Variants in NLRP12 observed in about 807,000 individuals in gnomAD.
The protein encoded by NLRP12 is NACHT, LRR and PYD domains-containing protein 12.
NLRP12 carries 108 observed loss-of-function variants against 91.2 expected under a neutral mutation model. That is an observed-to-expected ratio of 1.18 (90% CI 1.01 to 1.39). The LOEUF is 1.39. Among genes scored for constraint, NLRP12 ranks in the 40% most tolerant of loss-of-function variants. The pLI is 0.00. For synonymous variants in NLRP12, 613 were observed against 566.7 expected (o/e 1.08, Z -1.16); for missense variants, 1,530 against 1,352.7 (o/e 1.13, Z -2.06).
intron 1 of NLRP12, among the ~76,000 whole-genome samples, chr19:53,820,685 T>C (rs1286063272): frequency 8.4e-6 from 1 of 119,396 alleles, no homozygotes; most frequent in Non-Finnish European, 1.8e-5. Context: ...CTCTAAAAAA[T>C]AAATTATTTT....
Position 53,795,960 on chromosome 19 carries a change from G to C in NLRP12, c.2997C>G (p.Thr999=), listed in dbSNP as rs749656368. 55 of 1,614,028 alleles carry C rather than the reference G, an allele frequency of 3.4e-5. No individual in the cohort carries two copies. The South Asian group carries it at 5.4e-4, about 16-fold the overall frequency. Residue 999 remains threonine, a synonymous_variant, in exon 9 of 10, where the codon ACC becomes ACG. Coordinates refer to ENST00000324134, the MANE Select transcript of NLRP12 (RefSeq NM_144687.4). The part of the protein sequence containing the change: ...NLYFTLGINQ[T]LTDLYLTNNA... ...TGTTGGTCAGGTAAAGGTCGGTCAA[G>C]GTCTGGTTGATCCCCAGGGTGAAGT...
At chr19:53,817,155 A>G (rs937050508) in intron 1 of NLRP12, among the ~76,000 whole-genome samples, 2 of 151,976 alleles carry the variant, frequency 1.3e-5, no homozygotes, top group East Asian at 2.0e-4. Flanking sequence ...TTAGCTGGGC[A>G]TGGTGGCAGG....
At chr19:53,799,501 T>A (rs1011441596) in intron 7 of NLRP12, among the ~76,000 whole-genome samples, 1 of 151,740 alleles carries the variant, frequency 6.6e-6, no homozygotes, top group Admixed American at 6.6e-5. Context: ...TTTTTTTTTT[T>A]GAGATGGAAT....
Position 53,801,357 on chromosome 19 carries a change from G to A in NLRP12, c.2626C>T (p.Leu876=). 1 of 1,613,920 alleles carries A rather than the reference G, an allele frequency of 6.2e-7. No individual in the cohort carries two copies. The highest frequency in any genetic ancestry group is 8.5e-7 in the Non-Finnish European group (1 of 1,179,992). Reference sequence around the variant, plus strand: ...TGGTTCACACTGAGAGTTGAGGCCAGCTCGTCACAGGCAGCAGCAGTGAGG... The same window carrying A: ...TGGTTCACACTGAGAGTTGAGGCCAACTCGTCACAGGCAGCAGCAGTGAGG... ...CRLTAAACDE[L]ASTLSVNQSL... is the part of the protein sequence containing the mutation. The change falls in exon 7 of 10, where the codon CTG becomes TTG. Residue 876 remains leucine, a synonymous_variant. Coordinates refer to ENST00000324134, the MANE Select transcript of NLRP12 (RefSeq NM_144687.4).
chr19:53,795,104 G>GA (rs2091728041), intron 9 of NLRP12, among the ~76,000 whole-genome samples: 2 of 57,664 alleles, frequency 3.5e-5, no homozygotes, highest in Admixed American at 2.9e-4. Context: ...TACCTGGTGT[G>GA]TGCGTGTGTG....
rs1240275274 is a variant in NLRP12, at chr19:53,800,589, T to C, written c.2756+638A>G. Among the ~76,000 whole-genome samples, 18 of 44,712 alleles carry C rather than the reference T, an allele frequency of 4.0e-4. No homozygotes were observed. The South Asian group carries it at 9.2e-3, about 23-fold the overall frequency. The allele number at this position is 44,712 out of a possible 152,430, so 29.3% of individuals were successfully genotyped here. ...GCCGTGCGTCAGAAAACCCCCCCCT[T>C]TTTTTTTTTTGAGACGGAGTTTCGC... is the stretch of plus-strand genomic sequence containing the variant. On this transcript the variant is annotated intron_variant, in intron 7 of 9. Transcript: ENST00000324134.
chr19:53,810,811 A>T lies in NLRP12; in HGVS notation c.848T>A (p.Ile283Asn). 2 of 1,614,114 alleles carry T rather than the reference A, an allele frequency of 1.2e-6. No individual in the cohort carries two copies. Among genetic ancestry groups the T allele is most frequent in the Admixed American group, 1.7e-5 (1 of 59,992 alleles). Residue 283 changes from isoleucine to asparagine, a missense_variant, in exon 3 of 10, where the codon ATC becomes AAC. Coordinates refer to ENST00000324134, the MANE Select transcript of NLRP12 (RefSeq NM_144687.4). Reference sequence around the variant, plus strand: ...GAAAAGGAGGCGCTCGGGAACTCGGATGAGCTCCTGGAGAGGCGCGCTGGG... The same window carrying T: ...GAAAAGGAGGCGCTCGGGAACTCGGTTGAGCTCCTGGAGAGGCGCGCTGGG... ...PEPSAPLQELIRVPERLLFII... is the reference protein window; with the variant it reads ...PEPSAPLQELNRVPERLLFII...
chr19:53,805,189 G>T, intron 5 of NLRP12, 91 bp downstream of exon 5: 1 of 1,357,290 alleles, frequency 7.4e-7, no homozygotes, highest in Non-Finnish European at 1.0e-6. Flanking sequence ...TGATTTAAAG[G>T]TGGAGATTTG....
At chr19:53,805,202 G>T in intron 5 of NLRP12, 78 bp downstream of exon 5, 3 of 1,445,676 alleles carry the variant, frequency 2.1e-6, no homozygotes, top group Middle Eastern at 2.3e-4. Context: ...GAGATTTGGG[G>T]ATTACCAGCA....
chr19:53,818,409 T>G (rs909990790), intron 1 of NLRP12, among the ~76,000 whole-genome samples: 19 of 152,180 alleles, frequency 1.2e-4, no homozygotes, highest in Non-Finnish European at 1.2e-4. Context: ...GGCTCACGCC[T>G]GTAATCCCAA....
rs764835509 is a variant in NLRP12, at chr19:53,824,015, G to C, written c.160C>G (p.Leu54Val). 4.8e-5 allele frequency: 78 copies of C among 1,614,058 alleles called. No homozygotes were observed. The highest frequency in any genetic ancestry group is 6.4e-5 in the Non-Finnish European group (75 of 1,180,044). The change falls in exon 1 of 10, where the codon CTG becomes GTG. Residue 54 changes from leucine (L) to valine (V), a missense_variant. By Grantham distance (32) the Leu-to-Val change is conservative. Transcript: ENST00000324134. Reference protein sequence around the residue: ...PWGSMEKAGPLEMAQLLITHF... With the variant: ...PWGSMEKAGPVEMAQLLITHF... ...GTGATGAGCAGCTGGGCCATTTCCAGGGGACCGGCCTTCTCCATGCTTCCC... is the reference window on the plus strand; with the variant it reads ...GTGATGAGCAGCTGGGCCATTTCCACGGGACCGGCCTTCTCCATGCTTCCC...
Position 53,801,381 on chromosome 19 carries a change from G to A in NLRP12, c.2602C>T (p.Leu868Phe), listed in dbSNP as rs1600683649. 6.2e-7 allele frequency: 1 copy of A among 1,613,966 alleles called. No individual in the cohort carries two copies. Among genetic ancestry groups the A allele is most frequent in the Non-Finnish European group, 8.5e-7 (1 of 1,179,994 alleles). The change falls in exon 7 of 10, where the codon CTC (leucine) becomes TTC (phenylalanine). Residue 868 changes from leucine (L) to phenylalanine (F), a missense_variant. Transcript: ENST00000324134. ...LRTLWLKICR[L>F]TAAACDELAS... Reference sequence around the variant, plus strand: ...AGCTCGTCACAGGCAGCAGCAGTGAGGCGGCAGATCTTCAGCCTGCACAAA... The same window carrying A: ...AGCTCGTCACAGGCAGCAGCAGTGAAGCGGCAGATCTTCAGCCTGCACAAA...
At position 53,804,027 on chromosome 19, in the gene NLRP12, T is replaced by G; in HGVS notation, c.2510A>C (p.Asn837Thr). 1 of 1,614,126 alleles carries G rather than the reference T, an allele frequency of 6.2e-7. No homozygotes were observed. Among genetic ancestry groups the G allele is most frequent in the Non-Finnish European group, 8.5e-7 (1 of 1,180,028 alleles). ...PHLVELDLTG[N>T]ALEDLGLRLL... ...CCTCAGGCCCAAATCCTCCAGTGCA[T>G]TTCCTGTCAGGTCCAACTCAACCAG... Residue 837 changes from asparagine (N) to threonine (T), a missense_variant, in exon 6 of 10, where the codon AAT (asparagine) becomes ACT (threonine). Asn to Thr is a moderately conservative substitution (Grantham distance 65). Coordinates refer to ENST00000324134, the MANE Select transcript of NLRP12 (RefSeq NM_144687.4).
chr19:53,807,995 C>T (rs552332516), intron 3 of NLRP12: 144 of 366,270 alleles, frequency 3.9e-4, no homozygotes, highest in African/African-American at 3.0e-3. Flanking sequence ...GGTGATCTGC[C>T]CGCCTCAACC....
intron 1 of NLRP12, among the ~76,000 whole-genome samples, chr19:53,815,744 G>T (rs1055401543): frequency 6.6e-6 from 1 of 151,858 alleles, no homozygotes; most frequent in Non-Finnish European, 1.5e-5. Flanking sequence ...GAGTAGCTGG[G>T]ACTACAGGCA....
intron 1 of NLRP12, among the ~76,000 whole-genome samples, chr19:53,816,925 T>C (rs1380525056): frequency 1.3e-5 from 2 of 151,996 alleles, no homozygotes; most frequent in Non-Finnish European, 2.9e-5. Context: ...CGAGTTTGTT[T>C]TGCAAGATGA....
At chr19:53,816,446 G>A (rs1191305852) in intron 1 of NLRP12, among the ~76,000 whole-genome samples, 1 of 151,552 alleles carries the variant, frequency 6.6e-6, no homozygotes, top group Non-Finnish European at 1.5e-5. Context: ...CTGTGAGTCT[G>A]TGTGACTAAT....
At chr19:53,823,497 TA>T (rs1227854736) in intron 1 of NLRP12, among the ~76,000 whole-genome samples, 18 of 56,110 alleles carry the variant, frequency 3.2e-4, no homozygotes, top group African/African-American at 1.4e-3. Context: ...AAAATATATT[TA>T]TTTAAAATAT....
chr19:53,803,977 G>C lies in NLRP12; in HGVS notation c.2560C>G (p.Pro854Ala). 1 of 1,614,050 alleles carries C rather than the reference G, an allele frequency of 6.2e-7. No individual in the cohort carries two copies. Among genetic ancestry groups the C allele is most frequent in the Non-Finnish European group, 8.5e-7 (1 of 1,180,000 alleles). ...LRLLCQGLRH[P>A]VCRLRTLWLK... The stretch of plus-strand genomic sequence containing the variant: ...CACAAAGTCCGTAGTCTGCAGACTG[G>C]GTGCCTCAGTCCCTGGCATAGTAAC... Residue 854 changes from proline to alanine, a missense_variant, in exon 6 of 10, where the codon CCA becomes GCA. Transcript: ENST00000324134.
Sources: gnomAD v4.1 joint callset for allele counts (sites outside exome capture counted in the v4.1 genomes callset) on GRCh38, gnomAD v4.1.1 for gene constraint, MANE v1.5 for transcripts, NCBI Gene and HGNC (gene_info 2026-07-23, HGNC 2026-07-21) for gene names.